The following YEATS2 variants were observed in gnomAD, a reference collection of about 807,000 sequenced individuals.
The protein encoded by YEATS2 is YEATS domain containing 2.
A neutral mutation model predicts 163.2 loss-of-function variants in YEATS2; 77 were observed. The observed-to-expected ratio is 0.47, with a 90% CI of 0.39 to 0.57. The LOEUF (loss-of-function observed/expected upper bound fraction) is 0.57. Among genes scored for constraint, YEATS2 ranks in the 20% least tolerant of loss-of-function variants. The pLI, the probability that YEATS2 is intolerant of heterozygous loss-of-function variation, is 0.00. For synonymous variants in YEATS2, 631 were observed against 645.1 expected (o/e 0.98, Z 0.33); for missense variants, 1,549 against 1,729.8 (o/e 0.90, Z 1.85).
At chr3:183,756,745 G>A (rs1424654891) in intron 12 of YEATS2, 56 bp downstream of exon 12, 4 of 1,308,372 alleles carry the variant, frequency 3.1e-6, no homozygotes. Flanking sequence ...TATTAAAAAT[G>A]TAATCCTGCC....
At position 183,711,568 on chromosome 3, in the gene YEATS2, C is replaced by T. The variant is rs543355382; in HGVS notation, c.-19-3576C>T. 2.1e-4 allele frequency among the ~76,000 whole-genome samples: 31 copies of T among 151,094 alleles called. 1 individual carries two copies. In the East Asian group the frequency reaches 3.1e-3, roughly 15 times the overall value. ...TTATATTCTGAATTGTAGCAGGTAA[C>T]GGATGAATATGAACAAACATTAAAT... On this transcript the variant is annotated intron_variant, in intron 1 of 30. Transcript: ENST00000305135.
At chr3:183,701,292 T>G (rs1319923095) in intron 1 of YEATS2, among the ~76,000 whole-genome samples, 2 of 152,110 alleles carry the variant, frequency 1.3e-5, no homozygotes, top group African/African-American at 4.8e-5. Context: ...TTTCACCATG[T>G]TAGCCAGGAT....
chr3:183,767,771 C>A (rs1722056169), intron 15 of YEATS2, among the ~76,000 whole-genome samples: 1 of 152,076 alleles, frequency 6.6e-6, no homozygotes, highest in African/African-American at 2.4e-5. Context: ...CCCACCTCGG[C>A]CTCCCAAAGT....
Position 183,709,931 on chromosome 3 carries a change from C to T in YEATS2, c.-19-5213C>T, listed in dbSNP as rs540004116. Among the ~76,000 whole-genome samples the T allele has an allele frequency of 2.0e-5, 3 of 151,076 alleles. No homozygotes were observed. The South Asian group carries it at 6.3e-4, about 32-fold the overall frequency. ...TCCTGACCTTGTGATCCGCCCACCT[C>T]GGCCTCCCAAAGTGCTGGGATTACA... On this transcript the variant is annotated intron_variant, in intron 1 of 30. Transcript: ENST00000305135.
chr3:183,792,097 T>A (rs905062297), intron 21 of YEATS2, among the ~76,000 whole-genome samples: 8 of 152,210 alleles, frequency 5.3e-5, no homozygotes, highest in Non-Finnish European at 1.2e-4. Context: ...TCTGCAATTC[T>A]AAAATCCCAA....
chr3:183,783,191 A>G (rs750800091), intron 19 of YEATS2, among the ~76,000 whole-genome samples: 1 of 152,164 alleles, frequency 6.6e-6, no homozygotes, highest in African/African-American at 2.4e-5. Context: ...ACTAAAACCT[A>G]CTCTATACAG....
intron 7 of YEATS2, among the ~76,000 whole-genome samples, chr3:183,732,646 G>A (rs543085015): frequency 1.1e-3 from 174 of 151,430 alleles, no homozygotes; most frequent in South Asian, 6.7e-3. Context: ...TGCAAGCTCC[G>A]CCTCCCGGGT....
At position 183,717,765 on chromosome 3, in the gene YEATS2, T is replaced by C. The variant is rs375903574; in HGVS notation, c.198+17T>C. On this transcript the variant is annotated intron_variant, in intron 3 of 30. Transcript: ENST00000305135. ...ATTGACCAGGTATAATGATGATAAATTGAAATAAACACCAAAGCTATTGAA... is the reference window on the plus strand; with the variant it reads ...ATTGACCAGGTATAATGATGATAAACTGAAATAAACACCAAAGCTATTGAA... 1 of 1,442,186 alleles carries C rather than the reference T, an allele frequency of 6.9e-7. No individual in the cohort carries two copies. The highest frequency in any genetic ancestry group is 9.2e-7 in the Non-Finnish European group (1 of 1,082,100). 89.3% of individuals were successfully genotyped at this position (1,442,186 alleles called of 1,614,324 possible). A position where few individuals can be genotyped will look rare whatever the true frequency, so the allele number is the denominator to read the frequency against.
Position 183,786,212 on chromosome 3 carries a change from G to A in YEATS2, c.2824G>A (p.Gly942Arg). Residue 942 changes from glycine to arginine, a missense_variant, in exon 20 of 31, where the codon GGA becomes AGA. Gly to Arg is a moderately radical substitution (Grantham distance 125). Coordinates refer to ENST00000305135, the MANE Select transcript of YEATS2 (RefSeq NM_018023.5). ...AGCCACCTCACAGCTCTCGAAGCCTGGAACCACAATGCTGAGAGTAGCAGG... is the reference window on the plus strand; with the variant it reads ...AGCCACCTCACAGCTCTCGAAGCCTAGAACCACAATGCTGAGAGTAGCAGG... ...VPATSQLSKP[G>R]TTMLRVAGGV... The A allele has an allele frequency of 6.2e-7, 1 of 1,614,162 alleles. No homozygotes were observed. Among genetic ancestry groups the A allele is most frequent in the Non-Finnish European group, 8.5e-7 (1 of 1,180,038 alleles).
chr3:183,772,538 T>A lies in YEATS2; in HGVS notation c.2181T>A (p.Pro727=). ...LTKAQVTAAG[P]QKSGSQGSVM... is the part of the protein sequence containing the mutation. The stretch of plus-strand genomic sequence containing the variant: ...AGGCCCAGGTTACTGCCGCTGGTCC[T>A]CAGAAGAGTGGATCCCAGGGTTCAG... Residue 727 remains proline (P), a synonymous_variant, in exon 16 of 31, where the codon CCT becomes CCA. Coordinates refer to ENST00000305135, the MANE Select transcript of YEATS2 (RefSeq NM_018023.5). 1 of 1,614,052 alleles carries A rather than the reference T, an allele frequency of 6.2e-7. No individual in the cohort carries two copies. The highest frequency in any genetic ancestry group is 8.5e-7 in the Non-Finnish European group (1 of 1,180,034).
chr3:183,754,072 G>A (rs2109301199), intron 10 of YEATS2, 54 bp from the exon 11 acceptor site: 3 of 1,496,558 alleles, frequency 2.0e-6, no homozygotes, highest in Non-Finnish European at 2.7e-6. Context: ...CAACGGTAAG[G>A]TTTTATTTCA....
chr3:183,800,915 G>T (rs987081665), intron 24 of YEATS2: 1 of 203,768 alleles, frequency 4.9e-6, no homozygotes, highest in Non-Finnish European at 1.0e-5. Context: ...TTGTGACTGG[G>T]TGTCCACACA....
chr3:183,804,831 C>T (rs1352572004), intron 27 of YEATS2, among the ~76,000 whole-genome samples: 1 of 151,664 alleles, frequency 6.6e-6, no homozygotes, highest in South Asian at 2.1e-4. Context: ...ACTAAAAAAA[C>T]AAAAAAATTA....
At chr3:183,702,327 C>G (rs1262324729) in intron 1 of YEATS2, among the ~76,000 whole-genome samples, 1 of 151,958 alleles carries the variant, frequency 6.6e-6, no homozygotes, top group Admixed American at 6.6e-5. Context: ...TGCCTGTAAC[C>G]CCAGCTACTT....
At chr3:183,780,833 C>A (rs1723497349) in intron 19 of YEATS2, among the ~76,000 whole-genome samples, 1 of 152,146 alleles carries the variant, frequency 6.6e-6, no homozygotes, top group Non-Finnish European at 1.5e-5. Context: ...CATTGAGACA[C>A]AGAATACACA....
chr3:183,707,449 T>C (rs534977881), intron 1 of YEATS2, among the ~76,000 whole-genome samples: 5 of 152,338 alleles, frequency 3.3e-5, no homozygotes, highest in Non-Finnish European at 5.9e-5. Context: ...GTTTGGACTT[T>C]TGAGACATTT....
chr3:183,713,874 C>T (rs1426980117), intron 1 of YEATS2, among the ~76,000 whole-genome samples: 1 of 152,164 alleles, frequency 6.6e-6, no homozygotes, highest in African/African-American at 2.4e-5. Flanking sequence ...GGCACGATCT[C>T]GGCTCACTGC....
rs1015799824 is a variant in YEATS2, at chr3:183,722,275, A to T, written c.537+139A>T. ...TTTTCCTTTTATAATGGGGAAACCA[A>T]ATCTTTTTTTTTTTTTTTTTTTTTT... On this transcript the variant is annotated intron_variant, in intron 5 of 30. Transcript: ENST00000305135. The T allele has an allele frequency of 4.7e-4, 318 of 682,774 alleles. 1 individual carries two copies. The highest frequency in any genetic ancestry group is 6.0e-4 in the Non-Finnish European group (293 of 490,832). 42.3% of individuals were successfully genotyped at this position (682,774 alleles called of 1,614,324 possible).
intron 7 of YEATS2, among the ~76,000 whole-genome samples, chr3:183,736,426 A>C (rs1403641202): frequency 1.3e-5 from 2 of 152,228 alleles, no homozygotes; most frequent in African/African-American, 4.8e-5. Context: ...GACATTCATC[A>C]GATCAACCTA....
Sources: gnomAD v4.1 joint callset for allele counts (sites outside exome capture counted in the v4.1 genomes callset) on GRCh38, gnomAD v4.1.1 for gene constraint, MANE v1.5 for transcripts, NCBI Gene and HGNC (gene_info 2026-07-23, HGNC 2026-07-21) for gene names.